Variants in TENM4 observed in about 807,000 individuals in gnomAD.
TENM4 encodes teneurin transmembrane protein 4, also known as teneurin-4.
A neutral mutation model predicts 243.3 loss-of-function variants in TENM4; 82 were observed. The observed-to-expected ratio is 0.34, with a 90% CI of 0.28 to 0.40. TENM4 has a LOEUF of 0.40. TENM4 is among the 10% of genes least tolerant of loss of function. The pLI is 1.00. For missense variants in TENM4, 3,138 were observed against 3,673.3 expected (o/e 0.85, Z 3.77); for synonymous variants, 1,412 against 1,456.3 (o/e 0.97, Z 0.69).
At chr11:79,261,997 T>C (rs1204579212) in intron 2 of TENM4, among the ~76,000 whole-genome samples, 1 of 152,188 alleles carries the variant, frequency 6.6e-6, no homozygotes, top group African/African-American at 2.4e-5. Flanking sequence ...TCTTATATTT[T>C]GAAGAAATAG....
At chr11:78,793,715 A>T (rs925722325) in intron 15 of TENM4, among the ~76,000 whole-genome samples, 4 of 152,230 alleles carry the variant, frequency 2.6e-5, no homozygotes, top group African/African-American at 9.6e-5. Context: ...TAACTCATTA[A>T]ATTCTCTCAA....
intron 1 of TENM4, among the ~76,000 whole-genome samples, chr11:79,385,722 A>G (rs906608938): frequency 9.0e-6 from 1 of 111,686 alleles, no homozygotes; most frequent in Non-Finnish European, 2.1e-5. Flanking sequence ...CATGAAAAAC[A>G]TATTTTTCCC....
intron 12 of TENM4, among the ~76,000 whole-genome samples, chr11:78,832,490 T>G (rs574015988): frequency 6.6e-6 from 1 of 152,266 alleles, no homozygotes; most frequent in South Asian, 2.1e-4. Context: ...GGATTTGCTT[T>G]TGCTTTTTAT....
chr11:78,962,196 G>A (rs1431461216), intron 6 of TENM4: 1 of 152,570 alleles, frequency 6.6e-6, no homozygotes, highest in African/African-American at 2.4e-5. Flanking sequence ...GAATGAATTA[G>A]GGACAAACTC....
chr11:78,984,617 T>C (rs894993093), intron 6 of TENM4, among the ~76,000 whole-genome samples: 4 of 152,126 alleles, frequency 2.6e-5, no homozygotes, highest in African/African-American at 9.7e-5. Flanking sequence ...TTCAGTTGCA[T>C]TGAGCTCTGA....
At chr11:79,199,501 G>T (rs1863698757) in intron 3 of TENM4, among the ~76,000 whole-genome samples, 1 of 152,194 alleles carries the variant, frequency 6.6e-6, no homozygotes, top group South Asian at 2.1e-4. Flanking sequence ...CAAGTTCATT[G>T]TCATTATTTA....
intron 15 of TENM4, among the ~76,000 whole-genome samples, chr11:78,801,081 AAG>A (rs1857271806): frequency 6.6e-6 from 1 of 152,156 alleles, no homozygotes; most frequent in Admixed American, 6.5e-5. Context: ...GCTTGTCAGA[AAG>A]AGAGATAAGA....
rs1033380450 is a variant in TENM4, at chr11:79,284,219, T to C, written c.-265+13269A>G. On this transcript the variant is annotated intron_variant, in intron 2 of 33. Transcript: ENST00000278550. The stretch of plus-strand genomic sequence containing the variant: ...ATTTACTAGTGTATCCTGAACTTTA[T>C]ATGGAAATGCAAGGAACACAGAATA... Among the ~76,000 whole-genome samples, 12 of 152,178 alleles carry C rather than the reference T, an allele frequency of 7.9e-5. 1 individual carries two copies. The highest frequency in any genetic ancestry group is 7.2e-4 in the Admixed American group (11 of 15,280).
intron 2 of TENM4, among the ~76,000 whole-genome samples, chr11:79,235,811 C>T (rs956582211): frequency 1.3e-5 from 2 of 152,148 alleles, no homozygotes; most frequent in Admixed American, 1.3e-4. Flanking sequence ...TCTCCAGGCC[C>T]CCTTGCCCTC....
At chr11:79,101,393 G>A (rs1861227095) in intron 4 of TENM4, among the ~76,000 whole-genome samples, 1 of 152,210 alleles carries the variant, frequency 6.6e-6, no homozygotes, top group Non-Finnish European at 1.5e-5. Flanking sequence ...TTATTCTGAT[G>A]TTATTTCTGA....
chr11:78,904,297 T>C (rs1856010974), intron 6 of TENM4, among the ~76,000 whole-genome samples: 2 of 144,320 alleles, frequency 1.4e-5, no homozygotes, highest in African/African-American at 2.7e-5. Context: ...GAGGCGGAGC[T>C]TGCAGTGAGC....
intron 1 of TENM4, among the ~76,000 whole-genome samples, chr11:79,423,405 G>A (rs1028145951): frequency 2.0e-5 from 3 of 151,918 alleles, no homozygotes; most frequent in East Asian, 1.9e-4. Context: ...GGTCTGACTC[G>A]TAGCCTGTGC....
intron 4 of TENM4, among the ~76,000 whole-genome samples, chr11:79,126,500 C>A (rs988391337): frequency 6.6e-6 from 1 of 152,170 alleles, no homozygotes; most frequent in Admixed American, 6.5e-5. Context: ...GCATTGCTAC[C>A]TTAATGGACA....
At chr11:79,420,684 G>T (rs749985096) in intron 1 of TENM4, among the ~76,000 whole-genome samples, 2 of 151,058 alleles carry the variant, frequency 1.3e-5, no homozygotes, top group African/African-American at 2.4e-5. Context: ...GTTTTTTTTT[G>T]GGGGGTGGGG....
At chr11:79,365,014 G>T (rs575635069) in intron 1 of TENM4, among the ~76,000 whole-genome samples, 1 of 152,118 alleles carries the variant, frequency 6.6e-6, no homozygotes. Context: ...TACTAATGAG[G>T]TATTTACCTG....
intron 2 of TENM4, among the ~76,000 whole-genome samples, chr11:79,265,228 T>A (rs1436044903): frequency 6.6e-6 from 1 of 152,166 alleles, no homozygotes; most frequent in Non-Finnish European, 1.5e-5. Context: ...TTTGACTTTA[T>A]ATCAGAAGCC....
At chr11:78,871,030 C>T (rs1282056139) in intron 9 of TENM4, among the ~76,000 whole-genome samples, 1 of 152,174 alleles carries the variant, frequency 6.6e-6, no homozygotes, top group Non-Finnish European at 1.5e-5. Context: ...AACCTTTGGA[C>T]TCACCTCAGC....
chr11:78,768,820 C>T (rs763240727), intron 18 of TENM4, among the ~76,000 whole-genome samples: 47 of 152,184 alleles, frequency 3.1e-4, no homozygotes, highest in Non-Finnish European at 4.8e-4. Flanking sequence ...TCTCTCCCCC[C>T]GAGCTGTGGG....
At position 78,669,246 on chromosome 11, in the gene TENM4, G is replaced by A; in HGVS notation, c.7099C>T (p.Leu2367Phe). ...AAACCTGTTCCACTAAAGACAGCAA[G>A]AGGGGTCCCGATGTTGTCACAAGCT... is the stretch of plus-strand genomic sequence containing the variant. ...YIACDNIGTPLAVFSGTGLMI... is the reference protein window; with the variant it reads ...YIACDNIGTPFAVFSGTGLMI... The change falls in exon 32 of 34, where the codon CTT (leucine) becomes TTT (phenylalanine). Residue 2367 changes from leucine (L) to phenylalanine (F), a missense_variant. By Grantham distance (22) the Leu-to-Phe change is conservative. This residue lies in a region of TENM4 where 2,467 missense variants were observed against 3,059.1 expected (regional missense o/e 0.81). Coordinates refer to ENST00000278550, the MANE Select transcript of TENM4 (RefSeq NM_001098816.3). This position sits in a 1 kb window ranked among gnomAD's most constrained non-coding sequence, Gnocchi z 6.4. 6.2e-7 allele frequency: 1 copy of A among 1,614,004 alleles called. No individual in the cohort carries two copies. Among genetic ancestry groups the A allele is most frequent in the Non-Finnish European group, 8.5e-7 (1 of 1,179,890 alleles).
Sources: gnomAD v4.1 joint callset for allele counts (sites outside exome capture counted in the v4.1 genomes callset) on GRCh38, gnomAD v4.1.1 for gene constraint, gnomAD v4.1.1 regional missense constraint, Gnocchi (gnomAD v3.1) non-coding constraint, MANE v1.5 for transcripts, NCBI Gene and HGNC (gene_info 2026-07-23, HGNC 2026-07-21) for gene names.